MARF1: variants seen among roughly 807,000 people sequenced by gnomAD.
MARF1 encodes the protein limkain-b1.
MARF1 carries 24 observed loss-of-function variants against 168.2 expected under a neutral mutation model. That is an observed-to-expected ratio of 0.14 (90% CI 0.10 to 0.20). The LOEUF is 0.20. Ranked by LOEUF, MARF1 falls within the 10% of genes least tolerant of loss-of-function variation. The pLI is 1.00. For synonymous variants in MARF1, 868 were observed against 822.4 expected (o/e 1.06, Z -0.95); for missense variants, 1,744 against 2,143.6 (o/e 0.81, Z 3.68).
At chr16:15,615,391 G>A (rs901308972) in intron 16 of MARF1, among the ~76,000 whole-genome samples, 11 of 152,036 alleles carry the variant, frequency 7.2e-5, no homozygotes, top group South Asian at 2.1e-4. Context: ...TTTGGGAGGC[G>A]GAGGCAAGTG....
chr16:15,625,245 G>T, intron 8 of MARF1, 72 bp from the exon 9 acceptor site: 1 of 1,570,926 alleles, frequency 6.4e-7, no homozygotes, highest in Non-Finnish European at 8.6e-7. Context: ...TACAGAAAAC[G>T]ATTGACTTTG....
At chr16:15,613,561 C>T (rs2033763708) in intron 16 of MARF1, among the ~76,000 whole-genome samples, 1 of 151,754 alleles carries the variant, frequency 6.6e-6, no homozygotes, top group South Asian at 2.1e-4. Context: ...ACTCAGGAGG[C>T]TGAGGAAGGA....
chr16:15,616,039 G>C (rs1023923914), intron 15 of MARF1, 34 bp from the exon 16 acceptor site: 2 of 1,427,510 alleles, frequency 1.4e-6, no homozygotes, highest in Admixed American at 5.1e-5. Context: ...AAAAGGAAAG[G>C]TTAAATCAAA....
chr16:15,625,496 T>G lies in MARF1; in HGVS notation c.1829A>C (p.Asn610Thr), dbSNP rs1430740063. ...DKVKSPKKLK[N>T]PKLCLIKDAS... Reference sequence around the variant, plus strand: ...ATCTTTGATGAGGCACAATTTTGGATTCTTAAGTTTTTTGGGAGACTTCAC... The same window carrying G: ...ATCTTTGATGAGGCACAATTTTGGAGTCTTAAGTTTTTTGGGAGACTTCAC... Residue 610 changes from asparagine to threonine, a missense_variant, in exon 8 of 27, where the codon AAT (asparagine) becomes ACT (threonine). Around this residue, in one of 7 missense-constraint regions of MARF1, gnomAD observed 270 missense variants for 260.6 expected, o/e 1.04. Transcript: ENST00000396368. 1 of 1,614,114 alleles carries G rather than the reference T, an allele frequency of 6.2e-7. No homozygotes were observed. Among genetic ancestry groups the G allele is most frequent in the Non-Finnish European group, 8.5e-7 (1 of 1,180,042 alleles).
chr16:15,596,698 G>A lies in MARF1; in HGVS notation c.5224C>T (p.Leu1742Phe), dbSNP rs1276344606. 1.9e-6 allele frequency: 3 copies of A among 1,584,690 alleles called. No homozygotes were observed. The highest frequency in any genetic ancestry group is 2.3e-5 in the East Asian group (1 of 44,138). Residue 1742 changes from leucine to phenylalanine, a missense_variant, in exon 27 of 27, where the codon CTT (leucine) becomes TTT (phenylalanine). Physicochemically the swap from Leu to Phe is conservative, Grantham distance 22. Coordinates refer to ENST00000396368, the MANE Select transcript of MARF1 (RefSeq NM_014647.4). ...TTCTATATTCCAAATGGGAGTTAAA[G>A]CTTGGTTATAGGTGCTAAGGAAAAG... ...ANFSLAPITK[L>F]
intron 16 of MARF1, among the ~76,000 whole-genome samples, 190 bp downstream of exon 16, chr16:15,615,640 T>A (rs959895100): frequency 1.3e-5 from 2 of 151,894 alleles, no homozygotes; most frequent in Admixed American, 6.6e-5. Context: ...AATAAATAAA[T>A]AAAAAATAAA....
chr16:15,612,587 C>T lies in MARF1; in HGVS notation c.3444G>A (p.Glu1148=). Residue 1148 remains glutamate, a synonymous_variant, in exon 17 of 27, where the codon GAG becomes GAA. Coordinates refer to ENST00000396368, the MANE Select transcript of MARF1 (RefSeq NM_014647.4). The part of the protein sequence containing the change: ...VSDYGYSKLI[E]LLEAVPHVLQ... ...ATACATGAGGCACTGCTTCTAATAA[C>T]TCAATCAGCTTGGAGTATCCGTAGT... The T allele has an allele frequency of 1.2e-6, 2 of 1,614,168 alleles. No homozygotes were observed. Among genetic ancestry groups the T allele is most frequent in the East Asian group, 2.2e-5 (1 of 44,882 alleles).
intron 13 of MARF1, among the ~76,000 whole-genome samples, chr16:15,619,093 T>G (rs1031374405): frequency 6.6e-6 from 1 of 152,084 alleles, no homozygotes; most frequent in South Asian, 2.1e-4. Flanking sequence ...CTGGGCAACA[T>G]AGCAAAACCC....
At chr16:15,613,907 T>G (rs1423145495) in intron 16 of MARF1, among the ~76,000 whole-genome samples, 1 of 150,994 alleles carries the variant, frequency 6.6e-6, no homozygotes, top group Non-Finnish European at 1.5e-5. Context: ...GTAAGGGAGG[T>G]GGGAGAAGCA....
chr16:15,616,100 G>A (rs1354086758), intron 15 of MARF1, 95 bp from the exon 16 acceptor site: 17 of 1,048,700 alleles, frequency 1.6e-5, no homozygotes, highest in Non-Finnish European at 1.9e-5. Context: ...TTTAATGTAT[G>A]TGTTAATCAT....
At chr16:15,604,538 C>A in intron 21 of MARF1, 140 bp from the exon 22 acceptor site, 1 of 630,104 alleles carries the variant, frequency 1.6e-6, no homozygotes, top group Non-Finnish European at 2.8e-6. Flanking sequence ...TGAAATAAAG[C>A]AAGTGGGTTT....
chr16:15,627,518 T>A (rs1359600162), intron 7 of MARF1, among the ~76,000 whole-genome samples: 2 of 152,096 alleles, frequency 1.3e-5, no homozygotes, highest in Non-Finnish European at 2.9e-5. Context: ...CTCGGGAGGC[T>A]GAGGAAGGAG....
At chr16:15,638,571 G>C (rs1355757187) in intron 2 of MARF1, among the ~76,000 whole-genome samples, 1 of 151,304 alleles carries the variant, frequency 6.6e-6, no homozygotes, top group Non-Finnish European at 1.5e-5. Context: ...GGGCCACAGA[G>C]CAAGACTGCA....
At chr16:15,608,260 G>GAAAAAAAAAAAAAAAAAAAAAAAAAAA (rs748965777) in intron 21 of MARF1, 31 bp downstream of exon 21, 2 of 693,822 alleles carry the variant, frequency 2.9e-6, no homozygotes. Context: ...TCCCATGAGG[G>GAAAAAAAAAAAAAAAAAAAAAAAAAAA]AAAAAAAAAA....
chr16:15,600,796 G>T, intron 23 of MARF1, 95 bp from the exon 24 acceptor site: 1 of 1,328,064 alleles, frequency 7.5e-7, no homozygotes, highest in Non-Finnish European at 1.1e-6. Flanking sequence ...GCCTGCCTTA[G>T]GCTAGAATTT....
chr16:15,608,255 T>C (rs766650135), intron 21 of MARF1, 36 bp downstream of exon 21: 4 of 1,263,406 alleles, frequency 3.2e-6, no homozygotes, highest in South Asian at 2.6e-5. Context: ...TTTTATCCCA[T>C]GAGGGAAAAA....
At chr16:15,607,175 A>G (rs749847314) in intron 21 of MARF1, among the ~76,000 whole-genome samples, 1 of 151,986 alleles carries the variant, frequency 6.6e-6, no homozygotes, top group Non-Finnish European at 1.5e-5. Flanking sequence ...CCTCCAACCA[A>G]TCAGTACCTA....
At position 15,639,262 on chromosome 16, in the gene MARF1, T is replaced by C. The variant is rs2035792828; in HGVS notation, c.-29A>G. The C allele has an allele frequency of 1.9e-6, 3 of 1,594,512 alleles. No individual in the cohort carries two copies. Among genetic ancestry groups the C allele is most frequent in the Non-Finnish European group, 2.6e-6 (3 of 1,170,194 alleles). ...GCCATGCAAAGTGATTCAACATCCT[T>C]TCATCTTTCTTTTCTTTCATTCTTC... On this transcript the variant is annotated 5_prime_UTR_variant, in exon 2 of 27. Transcript: ENST00000396368.
At chr16:15,633,175 C>CCCCA (rs1555529763) in intron 5 of MARF1, among the ~76,000 whole-genome samples, 1 of 136,928 alleles carries the variant, frequency 7.3e-6, no homozygotes, top group Non-Finnish European at 1.6e-5. Flanking sequence ...AAAAAAAACA[C>CCCCA]CACACACACA....
Sources: gnomAD v4.1 joint callset for allele counts (sites outside exome capture counted in the v4.1 genomes callset) on GRCh38, gnomAD v4.1.1 for gene constraint, gnomAD v4.1.1 regional missense constraint, MANE v1.5 for transcripts, NCBI Gene and HGNC (gene_info 2026-07-23, HGNC 2026-07-21) for gene names.